GRM5: variants seen among roughly 807,000 people sequenced by gnomAD.
The protein encoded by GRM5 is glutamate metabotropic receptor 5.
In GRM5, 19 loss-of-function variants were observed where a neutral mutation model predicts 83.1. That is an observed-to-expected ratio of 0.23 (90% CI 0.16 to 0.34). The LOEUF (loss-of-function observed/expected upper bound fraction) is 0.34. GRM5 is among the 10% of genes least tolerant of loss of function. The pLI, the probability that GRM5 is intolerant of heterozygous loss-of-function variation, is 1.00. For synonymous variants in GRM5, 675 were observed against 633.6 expected (o/e 1.07, Z -0.98); for missense variants, 1,160 against 1,588.3 (o/e 0.73, Z 4.58).
intron 7 of GRM5, among the ~76,000 whole-genome samples, chr11:88,586,492 A>G (rs1214561859): frequency 6.6e-6 from 1 of 152,222 alleles, no homozygotes; most frequent in Non-Finnish European, 1.5e-5. Flanking sequence ...ACCCAAAGGT[A>G]ACTTGAGCTG....
chr11:88,708,405 A>G (rs1941208008), intron 3 of GRM5, among the ~76,000 whole-genome samples: 1 of 152,254 alleles, frequency 6.6e-6, no homozygotes, highest in African/African-American at 2.4e-5. Context: ...GACATCTCAC[A>G]TTTTGGGAAA....
rs1389732053 is a variant in GRM5 at position 88,980,345 on chromosome 11, T to C, written c.661+66867A>G. On this transcript the variant is annotated intron_variant, in intron 2 of 9. Transcript: ENST00000305447. ...TTTGTTAATGAAATTAAGAGAGTCC[T>C]AAGTGAATGTGGTTTCTGAACATTA... is the stretch of plus-strand genomic sequence containing the variant. Among the ~76,000 whole-genome samples the C allele has an allele frequency of 1.3e-5, 2 of 152,210 alleles. 1 individual carries two copies.
At chr11:88,591,395 CT>C (rs1274171116) in intron 6 of GRM5, among the ~76,000 whole-genome samples, 1 of 152,040 alleles carries the variant, frequency 6.6e-6, no homozygotes, top group East Asian at 1.9e-4. Context: ...ATCTATCTGA[CT>C]TTTTTAAGGT....
intron 1 of GRM5, among the ~76,000 whole-genome samples, chr11:89,063,160 T>C (rs945648176): frequency 6.6e-6 from 1 of 152,236 alleles, no homozygotes; most frequent in African/African-American, 2.4e-5. Flanking sequence ...GGGTGGTTTG[T>C]GGGAGCACAC....
intron 1 of GRM5, among the ~76,000 whole-genome samples, chr11:89,055,498 A>G (rs16912879): frequency 0.04 from 6,089 of 152,204 alleles, 412 homozygotes; most frequent in African/African-American, 0.14. Flanking sequence ...GGAAAATAGC[A>G]TCACAAAACT....
chr11:88,870,539 T>G (rs1282495541), intron 2 of GRM5, among the ~76,000 whole-genome samples: 1 of 151,540 alleles, frequency 6.6e-6, no homozygotes, highest in Non-Finnish European at 1.5e-5. Context: ...TTTGGTACCA[T>G]ATTTTGTCTA....
At chr11:88,928,484 G>T (rs71458616) in intron 2 of GRM5, among the ~76,000 whole-genome samples, 55,780 of 97,280 alleles carry the variant, frequency 0.57, 10,790 homozygotes, top group East Asian at 0.65. Context: ...ATATATATAT[G>T]TATATATGTA....
chr11:89,027,082 A>G (rs1318559223), intron 2 of GRM5, among the ~76,000 whole-genome samples: 1 of 148,658 alleles, frequency 6.7e-6, no homozygotes, highest in Non-Finnish European at 1.5e-5. Flanking sequence ...GCTGTACCAC[A>G]TTTTCTTTCT....
At chr11:88,620,016 T>C (rs1433774238) in intron 4 of GRM5, among the ~76,000 whole-genome samples, 8 of 152,178 alleles carry the variant, frequency 5.3e-5, no homozygotes, top group Non-Finnish European at 1.0e-4. Flanking sequence ...TTATGCACAG[T>C]GGATGATACC....
Position 88,673,315 on chromosome 11 carries a change from T to C in GRM5, c.912-19912A>G, listed in dbSNP as rs568136261. On this transcript the variant is annotated intron_variant, in intron 3 of 9. Transcript: ENST00000305447. The stretch of plus-strand genomic sequence containing the variant: ...GCAGGGTTTTGTGACTAATATTCTA[T>C]GGAGTATGAGGAAGGAAAACAAATC... Among the ~76,000 whole-genome samples, 13 of 151,960 alleles carry C rather than the reference T, an allele frequency of 8.6e-5. No individual in the cohort carries two copies. The South Asian group carries it at 1.0e-3, about 12-fold the overall frequency.
At chr11:88,960,069 A>T (rs1412182860) in intron 2 of GRM5, among the ~76,000 whole-genome samples, 1 of 152,206 alleles carries the variant, frequency 6.6e-6, no homozygotes, top group East Asian at 1.9e-4. Context: ...TCAGCGGAGG[A>T]AACTGCACTT....
intron 3 of GRM5, among the ~76,000 whole-genome samples, chr11:88,743,623 C>G (rs1294374628): frequency 6.6e-6 from 1 of 152,022 alleles, no homozygotes; most frequent in Non-Finnish European, 1.5e-5. Context: ...GGATTCAGAG[C>G]CAGTGAGAGA....
chr11:88,593,901 C>T (rs1937722176), intron 6 of GRM5, among the ~76,000 whole-genome samples: 1 of 151,574 alleles, frequency 6.6e-6, no homozygotes, highest in African/African-American at 2.4e-5. Flanking sequence ...TCACGCCATT[C>T]TCCAGCCTCA....
At chr11:88,780,787 A>G (rs1290131585) in intron 3 of GRM5, among the ~76,000 whole-genome samples, 2 of 152,050 alleles carry the variant, frequency 1.3e-5, no homozygotes, top group Non-Finnish European at 2.9e-5. Context: ...AAGTGCTGGA[A>G]TTACAGTCAC....
intron 3 of GRM5, among the ~76,000 whole-genome samples, chr11:88,742,896 A>G (rs1942058026): frequency 6.6e-6 from 1 of 152,122 alleles, no homozygotes; most frequent in Non-Finnish European, 1.5e-5. Context: ...TACCCCAGTC[A>G]GAATAGATGA....
chr11:89,050,539 C>T (rs575749242), intron 1 of GRM5, among the ~76,000 whole-genome samples: 5 of 152,250 alleles, frequency 3.3e-5, no homozygotes, highest in South Asian at 2.1e-4. Context: ...GGAATCACCA[C>T]GCTGACTTCC....
chr11:88,941,321 C>T (rs1938081518), intron 2 of GRM5, among the ~76,000 whole-genome samples: 1 of 149,612 alleles, frequency 6.7e-6, no homozygotes, highest in Admixed American at 6.7e-5. Flanking sequence ...AATCATGAAA[C>T]TAATGGAACA....
At chr11:88,697,017 T>C (rs943026150) in intron 3 of GRM5, among the ~76,000 whole-genome samples, 1 of 152,230 alleles carries the variant, frequency 6.6e-6, no homozygotes, top group African/African-American at 2.4e-5. Flanking sequence ...CATATCCTTT[T>C]TTCAATATTT....
chr11:88,692,447 G>A (rs12287506), intron 3 of GRM5, among the ~76,000 whole-genome samples: 3,698 of 152,182 alleles, frequency 0.024, 132 homozygotes, highest in African/African-American at 0.083. Flanking sequence ...AAATAAAGAC[G>A]AATGCTGAAT....
Sources: gnomAD v4.1 joint callset for allele counts (sites outside exome capture counted in the v4.1 genomes callset) on GRCh38, gnomAD v4.1.1 for gene constraint, MANE v1.5 for transcripts, NCBI Gene and HGNC (gene_info 2026-07-23, HGNC 2026-07-21) for gene names.